Variants in MGAT4C observed in about 807,000 individuals in gnomAD.
MGAT4C encodes the protein MGAT4 family member C.
Under a neutral mutation model 40.1 loss-of-function variants are expected in MGAT4C, and 19 were observed. That is an observed-to-expected ratio of 0.47 (90% confidence interval 0.33 to 0.70). MGAT4C has a LOEUF of 0.70. Among genes scored for constraint, MGAT4C ranks in the 30% least tolerant of loss-of-function variants. The probability of loss-of-function intolerance (pLI) is 0.02; values close to 1 mark genes in which losing one functional copy is unlikely to be tolerated. For synonymous variants in MGAT4C, 181 were observed against 187.1 expected (o/e 0.97, Z 0.27); for missense variants, 491 against 563.2 (o/e 0.87, Z 1.30).
intron 3 of MGAT4C, among the ~76,000 whole-genome samples, chr12:86,338,873 C>T (rs747973729): frequency 4.8e-5 from 7 of 144,634 alleles, no homozygotes; most frequent in African/African-American, 1.3e-4. Flanking sequence ...GTATAAGAAC[C>T]GCTTGAACCC....
chr12:86,779,495 G>A (rs1003691821), intron 1 of MGAT4C, among the ~76,000 whole-genome samples: 1 of 151,672 alleles, frequency 6.6e-6, no homozygotes, highest in African/African-American at 2.4e-5. Flanking sequence ...CCAGATACTG[G>A]GGAAGTGGAG....
chr12:86,212,746 GC>G (rs1950523252), intron 1 of MGAT4C, among the ~76,000 whole-genome samples: 1 of 111,774 alleles, frequency 8.9e-6, no homozygotes, highest in Non-Finnish European at 1.9e-5. Flanking sequence ...AAAAAAATTA[GC>G]CGGGCGTAGT....
intron 3 of MGAT4C, among the ~76,000 whole-genome samples, chr12:86,404,792 C>A (rs140563175): frequency 6.6e-6 from 1 of 152,184 alleles, no homozygotes; most frequent in Admixed American, 6.5e-5. Flanking sequence ...GATGATTGAT[C>A]ATCTATGAAA....
At position 86,198,477 on chromosome 12, in the gene MGAT4C, T is replaced by C. The variant is rs1252678667; in HGVS notation, c.-57+57762A>G. Among the ~76,000 whole-genome samples the C allele has an allele frequency of 3.3e-5, 5 of 152,354 alleles. No individual in the cohort carries two copies. The South Asian group carries it at 8.3e-4, about 25-fold the overall frequency. On this transcript the variant is annotated intron_variant, in intron 1 of 4. Transcript: ENST00000611864. ...TTTTAGATGAATTCATAATAAAAAT[T>C]ATTTTAATAAACCTTATGATATGTT...
chr12:86,386,790 T>G (rs1956059921), intron 3 of MGAT4C, among the ~76,000 whole-genome samples: 1 of 152,200 alleles, frequency 6.6e-6, no homozygotes. Context: ...TTACTGAAAG[T>G]TGAATTTCAT....
intron 1 of MGAT4C, among the ~76,000 whole-genome samples, chr12:86,143,766 A>G (rs6538021): frequency 0.89 from 134,750 of 152,168 alleles, 59,892 homozygotes; most frequent in East Asian, 1. Context: ...AAAGAAAGAA[A>G]TAAAAAGTGT....
intron 3 of MGAT4C, among the ~76,000 whole-genome samples, chr12:86,364,971 G>A (rs1472846383): frequency 6.6e-6 from 1 of 152,142 alleles, no homozygotes; most frequent in Non-Finnish European, 1.5e-5. Flanking sequence ...TCAGGAGACA[G>A]GGCTTGAGAG....
chr12:86,638,243 T>A (rs1230557837), intron 2 of MGAT4C, among the ~76,000 whole-genome samples: 1 of 151,868 alleles, frequency 6.6e-6, no homozygotes, highest in Non-Finnish European at 1.5e-5. Context: ...TTCCTGAAAA[T>A]ACCAGTTCAA....
At chr12:86,086,500 C>T (rs1871875628) in intron 1 of MGAT4C, among the ~76,000 whole-genome samples, 1 of 152,016 alleles carries the variant, frequency 6.6e-6, no homozygotes, top group South Asian at 2.1e-4. Context: ...CAAACCTGCA[C>T]ATCTGCACAT....
chr12:86,807,184 A>G (rs1306783635), intron 1 of MGAT4C, among the ~76,000 whole-genome samples: 1 of 152,014 alleles, frequency 6.6e-6, no homozygotes, highest in South Asian at 2.1e-4. Flanking sequence ...ATAGGTAAAC[A>G]TGTGTCATGG....
intron 2 of MGAT4C, among the ~76,000 whole-genome samples, chr12:86,512,933 C>T (rs903594926): frequency 9.5e-5 from 14 of 147,578 alleles, no homozygotes; most frequent in African/African-American, 3.5e-4. Context: ...ATTAAATGTT[C>T]CTACTCTAAT....
intron 3 of MGAT4C, among the ~76,000 whole-genome samples, chr12:85,984,785 ATT>A (rs923419630): frequency 1.1e-4 from 16 of 149,808 alleles, no homozygotes; most frequent in African/African-American, 3.7e-4. Context: ...TATTTATTTA[ATT>A]TTTTTCTTTG....
intron 4 of MGAT4C, among the ~76,000 whole-genome samples, chr12:86,331,362 T>C (rs922700247): frequency 6.6e-6 from 1 of 152,110 alleles, no homozygotes; most frequent in Admixed American, 6.5e-5. Flanking sequence ...TGTACAACTG[T>C]GGCATTTTTC....
intron 4 of MGAT4C, among the ~76,000 whole-genome samples, chr12:86,276,503 T>G (rs1953084730): frequency 6.6e-6 from 1 of 152,186 alleles, no homozygotes; most frequent in Non-Finnish European, 1.5e-5. Flanking sequence ...TATCAAATAG[T>G]AGAAGGTATT....
chr12:86,756,116 A>C (rs1306277086), intron 1 of MGAT4C, among the ~76,000 whole-genome samples: 2 of 152,130 alleles, frequency 1.3e-5, no homozygotes, highest in African/African-American at 4.8e-5. Flanking sequence ...GGCAGTTTAA[A>C]CACAGAAATT....
chr12:86,262,536 T>C (rs1952681071), intron 4 of MGAT4C, among the ~76,000 whole-genome samples: 1 of 152,102 alleles, frequency 6.6e-6, no homozygotes, highest in Non-Finnish European at 1.5e-5. Context: ...CATTTATCAT[T>C]GCAATAGATT....
intron 2 of MGAT4C, among the ~76,000 whole-genome samples, chr12:86,522,576 G>T (rs576819791): frequency 1.3e-4 from 19 of 151,958 alleles, no homozygotes; most frequent in African/African-American, 4.6e-4. Context: ...GTTGTATCTT[G>T]GCCAGGTTTT....
intron 2 of MGAT4C, among the ~76,000 whole-genome samples, chr12:86,574,581 T>C (rs1012341978): frequency 2.0e-5 from 3 of 151,816 alleles, no homozygotes; most frequent in Non-Finnish European, 2.9e-5. Context: ...TGTTCATATA[T>C]GGATGCATGA....
At chr12:86,493,686 T>C (rs1354697902) in intron 2 of MGAT4C, among the ~76,000 whole-genome samples, 2 of 151,800 alleles carry the variant, frequency 1.3e-5, no homozygotes, top group Non-Finnish European at 2.9e-5. Flanking sequence ...TTAGGAGATA[T>C]ACCTAATGCT....
Sources: gnomAD v4.1 joint callset for allele counts (sites outside exome capture counted in the v4.1 genomes callset) on GRCh38, gnomAD v4.1.1 for gene constraint, MANE v1.5 for transcripts, NCBI Gene and HGNC (gene_info 2026-07-23, HGNC 2026-07-21) for gene names.